The following MTARC2 variants were observed in gnomAD, a reference collection of about 807,000 sequenced individuals.
MTARC2 encodes MOCO sulphurase C-terminal domain containing 2.
Under a neutral mutation model 35.6 loss-of-function variants are expected in MTARC2, and 27 were observed. That is an observed-to-expected ratio of 0.76 (90% confidence interval 0.56 to 1.04). MTARC2 has a LOEUF of 1.04. Among genes scored for constraint, MTARC2 ranks in the 50% least tolerant of loss-of-function variants. The probability of loss-of-function intolerance (pLI) is 0.00; values close to 1 mark genes in which losing one functional copy is unlikely to be tolerated. For synonymous variants in MTARC2, 158 were observed against 167.1 expected (o/e 0.95, Z 0.42); for missense variants, 412 against 432.5 (o/e 0.95, Z 0.42).
intron 4 of MTARC2, among the ~76,000 whole-genome samples, chr1:220,775,394 T>C (rs1257149270): frequency 2.0e-5 from 3 of 152,196 alleles, no homozygotes; most frequent in African/African-American, 7.2e-5. Flanking sequence ...GTAAATGTCA[T>C]TGGGGCCTGG....
rs12567871 is a variant in MTARC2 at position 220,754,895 on chromosome 1, T to C, written c.273-52T>C. ...GAAGTAGAAAGCTGGAGGGAAGCTGTTGGGAGGTGGAAGAGGATTTTCTGA... is the reference window on the plus strand; with the variant it reads ...GAAGTAGAAAGCTGGAGGGAAGCTGCTGGGAGGTGGAAGAGGATTTTCTGA... On this transcript the variant is annotated intron_variant, in intron 1 of 7. Coordinates refer to ENST00000366913, the MANE Select transcript of MTARC2 (RefSeq NM_017898.5). 9.2e-4 allele frequency: 1,375 copies of C among 1,496,010 alleles called. 19 individuals carry two copies. The East Asian group carries it at 0.03, about 32-fold the overall frequency. 92.7% of individuals were successfully genotyped at this position (1,496,010 alleles called of 1,614,324 possible). A position where few individuals can be genotyped will look rare whatever the true frequency, so the allele number is the denominator to read the frequency against.
intron 4 of MTARC2, among the ~76,000 whole-genome samples, chr1:220,772,291 C>T (rs777808597): frequency 5.3e-5 from 8 of 152,190 alleles, no homozygotes; most frequent in Non-Finnish European, 8.8e-5. Context: ...GTATATATTG[C>T]CAAATTGCTT....
intron 1 of MTARC2, chr1:220,754,422 C>A (rs775817303): frequency 8.8e-6 from 4 of 456,198 alleles, no homozygotes; most frequent in African/African-American, 6.0e-5. Context: ...GTAGGACCCC[C>A]GCATGCCGCG....
At chr1:220,769,410 G>A (rs1444563373) in intron 4 of MTARC2, among the ~76,000 whole-genome samples, 1 of 152,180 alleles carries the variant, frequency 6.6e-6, no homozygotes, top group Non-Finnish European at 1.5e-5. Flanking sequence ...TCCCCCTCTG[G>A]CTGCACATCG....
At chr1:220,755,196 G>A (rs1007286002) in intron 2 of MTARC2, 76 bp downstream of exon 2, 42 of 1,445,040 alleles carry the variant, frequency 2.9e-5, no homozygotes, top group Non-Finnish European at 5.6e-6. Context: ...ATTCTGTCTT[G>A]CTATAGTTTC....
chr1:220,749,089 G>A (rs1671064521), intron 1 of MTARC2, among the ~76,000 whole-genome samples: 1 of 152,198 alleles, frequency 6.6e-6, no homozygotes. Context: ...TAGCTCTAAA[G>A]TTTGTGATTC....
chr1:220,772,847 G>C (rs1244459713), intron 4 of MTARC2, among the ~76,000 whole-genome samples: 1 of 152,134 alleles, frequency 6.6e-6, no homozygotes, highest in South Asian at 2.1e-4. Flanking sequence ...ATATTCATTA[G>C]CTTGTATGTC....
chr1:220,755,057 C>T lies in MTARC2; in HGVS notation c.383C>T (p.Pro128Leu). 1 of 1,613,108 alleles carries T rather than the reference C, an allele frequency of 6.2e-7. No homozygotes were observed. The highest frequency in any genetic ancestry group is 2.2e-5 in the East Asian group (1 of 44,786). ...AATAACTGCCTGATCTTCAGGGCTC[C>T]AGACATGGACCAGCTGGTTTTGCCT... ...YENNCLIFRAPDMDQLVLPSK... is the reference protein window; with the variant it reads ...YENNCLIFRALDMDQLVLPSK... The change falls in exon 2 of 8, where the codon CCA becomes CTA. Residue 128 changes from proline to leucine, a missense_variant. Physicochemically the swap from Pro to Leu is moderately conservative, Grantham distance 98. Transcript: ENST00000366913.
intron 4 of MTARC2, among the ~76,000 whole-genome samples, chr1:220,771,173 C>G (rs1475104384): frequency 6.6e-6 from 1 of 152,042 alleles, no homozygotes; most frequent in African/African-American, 2.4e-5. Flanking sequence ...GTGGTGGATG[C>G]CTGTAATCCC....
chr1:220,749,430 T>G (rs2644585), intron 1 of MTARC2, among the ~76,000 whole-genome samples: 2 of 62,302 alleles, frequency 3.2e-5, no homozygotes, highest in African/African-American at 4.3e-4. Flanking sequence ...CCTTCTTCTT[T>G]TTTTTTTTTT....
At position 220,768,127 on chromosome 1, in the gene MTARC2, T is replaced by A. The variant is rs1671635000; in HGVS notation, c.750+5077T>A. On this transcript the variant is annotated intron_variant, in intron 4 of 7. Coordinates refer to ENST00000366913, the MANE Select transcript of MTARC2 (RefSeq NM_017898.5). Reference sequence around the variant, plus strand: ...GTTACAGGCACCGTGCCAAACCCTTTACATGCATTATCTAATTCTAGTTCC... The same window carrying A: ...GTTACAGGCACCGTGCCAAACCCTTAACATGCATTATCTAATTCTAGTTCC... Among the ~76,000 whole-genome samples, 10 of 152,236 alleles carry A rather than the reference T, an allele frequency of 6.6e-5. No individual in the cohort carries two copies. In the South Asian group the frequency reaches 2.1e-3, roughly 31 times the overall value.
At chr1:220,781,135 G>T (rs532984926) in intron 6 of MTARC2, among the ~76,000 whole-genome samples, 9 of 152,218 alleles carry the variant, frequency 5.9e-5, no homozygotes, top group African/African-American at 2.2e-4. Flanking sequence ...TTTGTGGATT[G>T]TTTCCAATGG....
chr1:220,757,042 A>T (rs1671299055), intron 2 of MTARC2, among the ~76,000 whole-genome samples: 1 of 152,240 alleles, frequency 6.6e-6, no homozygotes, highest in Admixed American at 6.5e-5. Flanking sequence ...AGCTGGGATT[A>T]GAGGCATGTG....
At chr1:220,769,934 C>CAAAAAAAAAAA (rs57739324) in intron 4 of MTARC2, among the ~76,000 whole-genome samples, 1,053 of 63,340 alleles carry the variant, frequency 0.017, 62 homozygotes, top group Admixed American at 0.042. Flanking sequence ...ACTAAAAATA[C>CAAAAAAAAAAA]AAAAAAAAAA....
intron 4 of MTARC2, among the ~76,000 whole-genome samples, chr1:220,772,046 A>T (rs963048777): frequency 2.0e-5 from 3 of 152,350 alleles, no homozygotes; most frequent in Middle Eastern, 3.4e-3. Context: ...ATTTAATGGC[A>T]CATGGCAACC....
At chr1:220,760,769 T>C (rs754204271) in intron 2 of MTARC2, among the ~76,000 whole-genome samples, 1 of 152,126 alleles carries the variant, frequency 6.6e-6, no homozygotes, top group Non-Finnish European at 1.5e-5. Context: ...ATACAGTAAG[T>C]GAGCGATAGC....
At chr1:220,783,330 A>G (rs12032336) in intron 7 of MTARC2, among the ~76,000 whole-genome samples, 2,469 of 152,350 alleles carry the variant, frequency 0.016, 43 homozygotes, top group East Asian at 0.056. Context: ...GCTCCTAAGT[A>G]CCTGGCATTT....
At chr1:220,778,247 CAAAAAAAA>C (rs60336134) in intron 4 of MTARC2, among the ~76,000 whole-genome samples, 1 of 97,358 alleles carries the variant, frequency 1.0e-5, no homozygotes, top group African/African-American at 3.9e-5. Context: ...GACTCTGTCT[CAAAAAAAA>C]AAAAAAAAAA....
At chr1:220,759,617 G>C (rs1163119619) in intron 2 of MTARC2, among the ~76,000 whole-genome samples, 1 of 152,118 alleles carries the variant, frequency 6.6e-6, no homozygotes, top group African/African-American at 2.4e-5. Context: ...GTGCACTTAT[G>C]TACAAGTGCT....
Sources: gnomAD v4.1 joint callset for allele counts (sites outside exome capture counted in the v4.1 genomes callset) on GRCh38, gnomAD v4.1.1 for gene constraint, MANE v1.5 for transcripts, NCBI Gene and HGNC (gene_info 2026-07-23, HGNC 2026-07-21) for gene names.